CFAP206: variants seen among roughly 807,000 people sequenced by gnomAD.
CFAP206 encodes cilia- and flagella-associated protein 206.
In CFAP206, 53 loss-of-function variants were observed where a neutral mutation model predicts 65.4. The ratio of observed to expected loss-of-function variants is 0.81; its 90% CI spans 0.65 to 1.02. CFAP206 has a LOEUF of 1.02. Among genes scored for constraint, CFAP206 ranks in the 50% least tolerant of loss-of-function variants. CFAP206 has a pLI of 0.00. For synonymous variants in CFAP206, 250 were observed against 254.4 expected (o/e 0.98, Z 0.17); for missense variants, 663 against 753.2 (o/e 0.88, Z 1.40).
intron 11 of CFAP206, among the ~76,000 whole-genome samples, chr6:87,451,369 C>T (rs1486132236): frequency 6.6e-6 from 1 of 152,114 alleles, no homozygotes; most frequent in African/African-American, 2.4e-5. Context: ...AGTCCTGAAG[C>T]CCCAATTCCA....
At chr6:87,410,449 A>G in intron 2 of CFAP206, 136 bp from the exon 3 acceptor site, 1 of 706,086 alleles carries the variant, frequency 1.4e-6, no homozygotes, top group Non-Finnish European at 2.5e-6. Context: ...AATAAGAAGA[A>G]TAGTTGGAAA....
intron 11 of CFAP206, among the ~76,000 whole-genome samples, chr6:87,452,664 C>T (rs1445455987): frequency 6.6e-6 from 1 of 151,930 alleles, no homozygotes; most frequent in African/African-American, 2.4e-5. Context: ...ACAAGAAATT[C>T]TGGATCTGAA....
At chr6:87,426,505 C>G in intron 7 of CFAP206, 21 bp from the exon 8 acceptor site, 2 of 1,526,856 alleles carry the variant, frequency 1.3e-6, no homozygotes, top group Non-Finnish European at 1.8e-6. Context: ...AATATTAATG[C>G]AAATTATGTT....
At chr6:87,448,116 C>G (rs1222806235) in intron 11 of CFAP206, among the ~76,000 whole-genome samples, 1 of 152,128 alleles carries the variant, frequency 6.6e-6, no homozygotes, top group South Asian at 2.1e-4. Flanking sequence ...GTCCACCAAC[C>G]CCTGACAGGC....
Position 87,461,090 on chromosome 6 carries a change from A to G in CFAP206, c.1563A>G (p.Thr521=), listed in dbSNP as rs758773451. Residue 521 remains threonine, a synonymous_variant, in exon 12 of 13, where the codon ACA becomes ACG. Coordinates refer to ENST00000369562, the MANE Select transcript of CFAP206 (RefSeq NM_001031743.3). The part of the protein sequence containing the change: ...TKCESSTQTN[T]HILPPTIVRS... Reference sequence around the variant, plus strand: ...GTGAAAGTAGCACACAGACGAATACACACATACTGCCACCAACGATTGTGA... The same window carrying G: ...GTGAAAGTAGCACACAGACGAATACGCACATACTGCCACCAACGATTGTGA... 6.3e-7 allele frequency: 1 copy of G among 1,594,884 alleles called. No individual in the cohort carries two copies.
At chr6:87,450,476 TGTGTG>T (rs1768521280) in intron 11 of CFAP206, among the ~76,000 whole-genome samples, 1 of 21,174 alleles carries the variant, frequency 4.7e-5, no homozygotes, top group African/African-American at 2.8e-4. Context: ...TAAATGAAAA[TGTGTG>T]TGTGTGTGTG....
intron 10 of CFAP206, among the ~76,000 whole-genome samples, chr6:87,432,587 G>A (rs1385098780): frequency 6.6e-6 from 1 of 152,154 alleles, no homozygotes; most frequent in African/African-American, 2.4e-5. Flanking sequence ...TATGGGCTAG[G>A]GTTCAGAAGA....
At chr6:87,443,803 A>G (rs1163313346) in intron 11 of CFAP206, among the ~76,000 whole-genome samples, 1 of 151,956 alleles carries the variant, frequency 6.6e-6, no homozygotes, top group Admixed American at 6.6e-5. Context: ...AGCCCCCAGT[A>G]TCTGTTGTTG....
At chr6:87,409,114 C>G (rs1562241854) in intron 1 of CFAP206, among the ~76,000 whole-genome samples, 2 of 152,050 alleles carry the variant, frequency 1.3e-5, no homozygotes, top group Non-Finnish European at 2.9e-5. Flanking sequence ...GATTCTAGTA[C>G]AGTTCTGAAG....
chr6:87,445,063 A>G (rs1768420896), intron 11 of CFAP206: 1 of 512,978 alleles, frequency 1.9e-6, no homozygotes, highest in Admixed American at 2.0e-5. Context: ...GCATCTGTGA[A>G]TAAGTCAATG....
At chr6:87,411,945 T>C (rs1201734014) in intron 3 of CFAP206, among the ~76,000 whole-genome samples, 2 of 152,202 alleles carry the variant, frequency 1.3e-5, no homozygotes, top group Admixed American at 1.3e-4. Context: ...GAAAAGATGG[T>C]ATAAAGCTTG....
intron 10 of CFAP206, among the ~76,000 whole-genome samples, chr6:87,432,558 A>G (rs1768178182): frequency 4.1e-5 from 1 of 24,148 alleles, no homozygotes; most frequent in Admixed American, 6.2e-4. Flanking sequence ...AGAGGAAGCA[A>G]TGATATGGTT....
At position 87,428,668 on chromosome 6, in the gene CFAP206, G is replaced by A; in HGVS notation, c.1003G>A (p.Asp335Asn). 1 of 1,614,142 alleles carries A rather than the reference G, an allele frequency of 6.2e-7. No homozygotes were observed. Among genetic ancestry groups the A allele is most frequent in the Non-Finnish European group, 8.5e-7 (1 of 1,180,022 alleles). ...ALSTLWTSLQ[D>N]ETIVVGVLSN... ...TTCTACTCTGTGGACCAGCTTGCAAGACGAAACTATTGTGGTTGGTGTCCT... is the reference window on the plus strand; with the variant it reads ...TTCTACTCTGTGGACCAGCTTGCAAAACGAAACTATTGTGGTTGGTGTCCT... Residue 335 changes from aspartate (D) to asparagine (N), a missense_variant, in exon 9 of 13, where the codon GAC (aspartate) becomes AAC (asparagine). By Grantham distance (23) the Asp-to-Asn change is conservative (BLOSUM62 1). Coordinates refer to ENST00000369562, the MANE Select transcript of CFAP206 (RefSeq NM_001031743.3).
chr6:87,430,943 G>A (rs1052382923), intron 9 of CFAP206, 90 bp from the exon 10 acceptor site: 4 of 1,209,198 alleles, frequency 3.3e-6, no homozygotes, highest in Admixed American at 4.7e-5. Context: ...GCAATAAAAA[G>A]GTAATGTTTA....
chr6:87,423,311 T>C (rs936102602), intron 7 of CFAP206, among the ~76,000 whole-genome samples: 2 of 151,582 alleles, frequency 1.3e-5, no homozygotes, highest in African/African-American at 2.4e-5. Flanking sequence ...TGCAGTGGCG[T>C]GATCTCCGCT....
chr6:87,437,032 G>A (rs935640132), intron 11 of CFAP206, among the ~76,000 whole-genome samples: 5 of 151,726 alleles, frequency 3.3e-5, no homozygotes, highest in South Asian at 2.1e-4. Flanking sequence ...GTGCAGTGGC[G>A]TGATATCAGC....
At chr6:87,408,174 C>A in intron 1 of CFAP206, 85 bp downstream of exon 1, 1 of 647,766 alleles carries the variant, frequency 1.5e-6, no homozygotes. Context: ...GGAGCTCGGG[C>A]GGCTGGAGGA....
intron 12 of CFAP206, among the ~76,000 whole-genome samples, chr6:87,463,321 G>A (rs149305042): frequency 3.7e-4 from 57 of 152,314 alleles, no homozygotes; most frequent in African/African-American, 1.3e-3. Flanking sequence ...GGGTATTGGG[G>A]AGTAGTTTCG....
intron 11 of CFAP206, among the ~76,000 whole-genome samples, chr6:87,448,642 C>T (rs1046626380): frequency 3.3e-5 from 5 of 152,104 alleles, no homozygotes; most frequent in Admixed American, 6.6e-5. Context: ...CATTAGCTAA[C>T]CTCTCCCCAT....
Sources: allele counts gnomAD v4.1 joint callset (sites outside exome capture counted in the v4.1 genomes callset), GRCh38; gene constraint gnomAD v4.1.1; transcripts MANE v1.5; gene names NCBI Gene and HGNC (gene_info 2026-07-23, HGNC 2026-07-21).